The following CEP170 variants were observed in gnomAD, a reference collection of about 807,000 sequenced individuals.
The protein encoded by CEP170 is centrosomal protein of 170 kDa.
CEP170 carries 21 observed loss-of-function variants against 151.9 expected under a neutral mutation model. That is an observed-to-expected ratio of 0.14 (90% confidence interval 0.10 to 0.20). The LOEUF is 0.20. Ranked by LOEUF, CEP170 falls within the 10% of genes least tolerant of loss-of-function variation. The pLI is 1.00. For synonymous variants in CEP170, 356 were observed against 648.8 expected, an observed-to-expected ratio of 0.55 and a Z score of 6.86; for missense variants, 964 against 1,892.9, an observed-to-expected ratio of 0.51 and a Z score of 9.11.
At chr1:243,216,499 A>T (rs1294050906) in intron 3 of CEP170, among the ~76,000 whole-genome samples, 1 of 152,076 alleles carries the variant, frequency 6.6e-6, no homozygotes, top group Non-Finnish European at 1.5e-5. Context: ...TAGATTTGAG[A>T]TGGCCATGAT....
At position 243,228,143 on chromosome 1, in the gene CEP170, C is replaced by T. The variant is rs113156761; in HGVS notation, c.-41-2822G>A. 2.7e-3 allele frequency among the ~76,000 whole-genome samples: 411 copies of T among 152,250 alleles called. 2 individuals are homozygous for T. Among genetic ancestry groups the T allele is most frequent in the Middle Eastern group, 0.02 (6 of 294 alleles). On this transcript the variant is annotated intron_variant, in intron 1 of 19. Coordinates refer to ENST00000366542, the MANE Select transcript of CEP170 (RefSeq NM_014812.3). ...CTATACTACAGTAAAATGAAATATT[C>T]TGCAATAAGAAATATATCTCTATAT...
At chr1:243,191,581 G>A (rs535748963) in intron 7 of CEP170, 87 bp from the exon 8 acceptor site, 29 of 1,054,186 alleles carry the variant, frequency 2.8e-5, no homozygotes, top group Middle Eastern at 2.9e-4. Flanking sequence ...GTACTACTCC[G>A]TGAGAACCAG....
At position 243,164,649 on chromosome 1, in the gene CEP170, C is replaced by A; in HGVS notation, c.3311G>T (p.Arg1104Leu). The part of the protein sequence containing the change: ...RPRPTRTSLL[R>L]RARLGEASDS... ...TGAAGCTTCACCAAGTCGTGCTCTGCGCAAGAGGGAAGTCCTGGTAGGTCG... is the reference window on the plus strand; with the variant it reads ...TGAAGCTTCACCAAGTCGTGCTCTGAGCAAGAGGGAAGTCCTGGTAGGTCG... The change falls in exon 13 of 20, where the codon CGC (arginine) becomes CTC (leucine). Residue 1104 changes from arginine (R) to leucine (L), a missense_variant. Physicochemically the swap from Arg to Leu is moderately radical, Grantham distance 102. Transcript: ENST00000366542. 1 of 1,613,774 alleles carries A rather than the reference C, an allele frequency of 6.2e-7. No homozygotes were observed. The highest frequency in any genetic ancestry group is 8.5e-7 in the Non-Finnish European group (1 of 1,179,734).
intron 15 of CEP170, among the ~76,000 whole-genome samples, chr1:243,141,574 C>T (rs1458588518): frequency 6.6e-6 from 1 of 152,180 alleles, no homozygotes; most frequent in Non-Finnish European, 1.5e-5. Flanking sequence ...CTTTTAAATG[C>T]CAATCCTTTG....
chr1:243,178,308 C>CAAAAAAAAA lies in CEP170; in HGVS notation c.1567-5471_1567-5463dup, dbSNP rs869094317. Among the ~76,000 whole-genome samples, 56 of 30,426 alleles carry CAAAAAAAAA rather than the reference C, an allele frequency of 1.8e-3. 6 individuals are homozygous for CAAAAAAAAA. Among genetic ancestry groups the CAAAAAAAAA allele is most frequent in the African/African-American group, 7.5e-3 (46 of 6,118 alleles). 20.0% of individuals were successfully genotyped at this position (30,426 alleles called of 152,430 possible). A position where few individuals can be genotyped will look rare whatever the true frequency, so the allele number is the denominator to read the frequency against. On this transcript the variant is annotated intron_variant, in intron 10 of 19. Transcript: ENST00000366542. The stretch of plus-strand genomic sequence containing the variant: ...TGGGCAACAGAGCGAGACTCTGCCT[C>CAAAAAAAAA]AAAAAAAAAAAAAAAAAAAAAAAAA...
chr1:243,146,292 G>A (rs2056478943), intron 14 of CEP170, among the ~76,000 whole-genome samples: 1 of 152,084 alleles, frequency 6.6e-6, no homozygotes, highest in Admixed American at 6.5e-5. Flanking sequence ...GATGCACCAG[G>A]GAGACTTTTA....
chr1:243,171,747 C>A (rs2058860373), intron 11 of CEP170, among the ~76,000 whole-genome samples: 1 of 152,154 alleles, frequency 6.6e-6, no homozygotes, highest in Non-Finnish European at 1.5e-5. Flanking sequence ...AAGTACTATG[C>A]TGGATGCTTT....
chr1:243,232,287 T>A (rs2149070135), intron 1 of CEP170, among the ~76,000 whole-genome samples: 1 of 152,224 alleles, frequency 6.6e-6, no homozygotes, highest in East Asian at 1.9e-4. Context: ...TCTAATACTG[T>A]AGTACTTGTT....
chr1:243,229,816 T>G (rs1250785051), intron 1 of CEP170, among the ~76,000 whole-genome samples: 1 of 152,224 alleles, frequency 6.6e-6, no homozygotes, highest in Admixed American at 6.5e-5. Flanking sequence ...TGTGTGTTTG[T>G]TTTTCTTTCT....
At position 243,186,258 on chromosome 1, in the gene CEP170, C is replaced by G. The variant is rs768649731; in HGVS notation, c.1272+1G>C. On this transcript the variant is annotated splice_donor_variant, in intron 9 of 19. Transcript: ENST00000366542. LOFTEE classifies it high-confidence loss of function. Reference sequence around the variant, plus strand: ...GCAATCATAAAAGCAGTTTGACTTACAACAGCTTGGTCTTGATGCTTTTCA... The same window carrying G: ...GCAATCATAAAAGCAGTTTGACTTAGAACAGCTTGGTCTTGATGCTTTTCA... The G allele has an allele frequency of 1.2e-6, 2 of 1,613,604 alleles. No individual in the cohort carries two copies. Among genetic ancestry groups the G allele is most frequent in the Non-Finnish European group, 1.7e-6 (2 of 1,179,684 alleles).
intron 1 of CEP170, among the ~76,000 whole-genome samples, chr1:243,235,645 T>A (rs1167946122): frequency 1.3e-5 from 2 of 150,282 alleles, no homozygotes; most frequent in African/African-American, 4.9e-5. Flanking sequence ...AGAAAAAATA[T>A]AAGCTGCAAC....
At chr1:243,168,157 C>T (rs895634089) in intron 12 of CEP170, 1 of 151,918 alleles carries the variant, frequency 6.6e-6, no homozygotes, top group East Asian at 1.9e-4. Flanking sequence ...ACTCTGTTCC[C>T]TCAAAAGAAT....
At chr1:243,147,709 C>T (rs896122248) in intron 14 of CEP170, among the ~76,000 whole-genome samples, 14 of 152,046 alleles carry the variant, frequency 9.2e-5, no homozygotes, top group Non-Finnish European at 2.1e-4. Flanking sequence ...AACAGAAATA[C>T]AATTTCTCAC....
chr1:243,175,920 C>T (rs1336391436), intron 10 of CEP170, among the ~76,000 whole-genome samples: 1 of 152,172 alleles, frequency 6.6e-6, no homozygotes, highest in Non-Finnish European at 1.5e-5. Flanking sequence ...CCTCAGCCTC[C>T]CGAGTAGCTG....
chr1:243,242,238 T>C (rs917762830), intron 1 of CEP170, among the ~76,000 whole-genome samples: 1 of 152,092 alleles, frequency 6.6e-6, no homozygotes, highest in South Asian at 2.1e-4. Flanking sequence ...TTTCTTTTTT[T>C]GGGACAGTCT....
intron 1 of CEP170, among the ~76,000 whole-genome samples, chr1:243,243,731 A>T (rs1468031012): frequency 6.6e-6 from 1 of 151,850 alleles, no homozygotes; most frequent in Non-Finnish European, 1.5e-5. Context: ...TTTCACCATG[A>T]TGGCGAGGCT....
intron 11 of CEP170, among the ~76,000 whole-genome samples, chr1:243,170,816 A>G: frequency 6.6e-6 from 1 of 152,224 alleles, no homozygotes; most frequent in East Asian, 1.9e-4. Flanking sequence ...TAGTAAGTAT[A>G]GAGAATGACA....
intron 14 of CEP170, among the ~76,000 whole-genome samples, chr1:243,143,034 T>G (rs2056047084): frequency 6.6e-6 from 1 of 152,078 alleles, no homozygotes; most frequent in Non-Finnish European, 1.5e-5. Context: ...AATAATAACA[T>G]TTTATTTAAT....
chr1:243,178,813 G>A (rs1241952836), intron 10 of CEP170, among the ~76,000 whole-genome samples: 2 of 151,942 alleles, frequency 1.3e-5, no homozygotes, highest in Non-Finnish European at 2.9e-5. Flanking sequence ...CCGCCTCCCG[G>A]GTTCAAGCGA....
Sources: gnomAD v4.1 joint callset for allele counts (sites outside exome capture counted in the v4.1 genomes callset) on GRCh38, gnomAD v4.1.1 for gene constraint, MANE v1.5 for transcripts, NCBI Gene and HGNC (gene_info 2026-07-23, HGNC 2026-07-21) for gene names.